Variants in KCNC2 observed in about 807,000 individuals in gnomAD.
KCNC2 encodes the protein voltage-gated potassium channel KCNC2.
In KCNC2, 21 loss-of-function variants were observed where a neutral mutation model predicts 44.5. The observed-to-expected ratio is 0.47, with a 90% CI of 0.33 to 0.68. The LOEUF (loss-of-function observed/expected upper bound fraction) is 0.68. Ranked by LOEUF, KCNC2 falls within the 30% of genes least tolerant of loss-of-function variation. KCNC2 has a pLI of 0.01. For missense variants in KCNC2, 589 were observed against 826.2 expected (o/e 0.71, Z 3.52); for synonymous variants, 391 against 339.1 (o/e 1.15, Z -1.68).
At chr12:75,124,678 T>A (rs941662777) in intron 2 of KCNC2, 2 of 152,208 alleles carry the variant, frequency 1.3e-5, no homozygotes, top group African/African-American at 4.8e-5. Flanking sequence ...TTTTAAAAAA[T>A]TTGCTTTCTT....
intron 2 of KCNC2, among the ~76,000 whole-genome samples, chr12:75,061,142 T>G (rs993602993): frequency 3.9e-5 from 6 of 152,106 alleles, no homozygotes; most frequent in African/African-American, 1.4e-4. Flanking sequence ...TGGCATTGAT[T>G]TGGTGCTTAG....
At chr12:75,062,482 T>C (rs1157129462) in intron 2 of KCNC2, among the ~76,000 whole-genome samples, 1 of 152,030 alleles carries the variant, frequency 6.6e-6, no homozygotes, top group East Asian at 1.9e-4. Context: ...AACATCCAAA[T>C]GCTGGTTCTA....
At chr12:75,205,445 A>G (rs915469815) in intron 2 of KCNC2, among the ~76,000 whole-genome samples, 1 of 152,160 alleles carries the variant, frequency 6.6e-6, no homozygotes, top group African/African-American at 2.4e-5. Context: ...TATTATAAAG[A>G]AATATCGTAG....
intron 2 of KCNC2, among the ~76,000 whole-genome samples, chr12:75,130,784 A>T (rs963711618): frequency 2.0e-5 from 3 of 150,062 alleles, no homozygotes; most frequent in Non-Finnish European, 2.9e-5. Context: ...CTAGTAATAA[A>T]AAAAAAAAAA....
intron 1 of KCNC2, among the ~76,000 whole-genome samples, chr12:75,208,293 A>C (rs1236478416): frequency 1.3e-5 from 2 of 151,026 alleles, no homozygotes; most frequent in Non-Finnish European, 3.0e-5. Flanking sequence ...TGATCTCTTC[A>C]CCTTCATCTT....
At chr12:75,196,090 C>G (rs1161220203) in intron 2 of KCNC2, among the ~76,000 whole-genome samples, 1 of 152,104 alleles carries the variant, frequency 6.6e-6, no homozygotes, top group African/African-American at 2.4e-5. Flanking sequence ...GCTAGCAAAG[C>G]TGTGTTAACC....
chr12:75,092,556 T>C (rs1165733731), intron 2 of KCNC2, among the ~76,000 whole-genome samples: 2 of 151,616 alleles, frequency 1.3e-5, no homozygotes, highest in Non-Finnish European at 3.0e-5. Flanking sequence ...AATTCACTGA[T>C]GACAACTTAT....
At chr12:75,113,778 G>A (rs930568159) in intron 2 of KCNC2, among the ~76,000 whole-genome samples, 10 of 152,170 alleles carry the variant, frequency 6.6e-5, no homozygotes, top group Non-Finnish European at 1.3e-4. Flanking sequence ...TCTTGATTCT[G>A]AAGTGCAGTC....
chr12:75,177,175 A>T (rs1292318582), intron 2 of KCNC2, among the ~76,000 whole-genome samples: 1 of 151,590 alleles, frequency 6.6e-6, no homozygotes, highest in Non-Finnish European at 1.5e-5. Context: ...TAATTAGTGA[A>T]ATAAAGTGAA....
intron 2 of KCNC2, among the ~76,000 whole-genome samples, chr12:75,078,343 C>T (rs1252831314): frequency 6.6e-6 from 1 of 152,090 alleles, no homozygotes; most frequent in Non-Finnish European, 1.5e-5. Flanking sequence ...GTTTAACTTC[C>T]ACCTTTCCTC....
At chr12:75,199,064 T>A (rs1221649793) in intron 2 of KCNC2, among the ~76,000 whole-genome samples, 1 of 151,836 alleles carries the variant, frequency 6.6e-6, no homozygotes, top group Non-Finnish European at 1.5e-5. Flanking sequence ...AATAAGAGAA[T>A]TTATGCAACC....
chr12:75,064,138 T>G (rs1282996016), intron 2 of KCNC2, among the ~76,000 whole-genome samples: 4 of 152,004 alleles, frequency 2.6e-5, no homozygotes, highest in South Asian at 4.1e-4. Flanking sequence ...AATAGATGAG[T>G]ACTGAAAAGC....
intron 3 of KCNC2, among the ~76,000 whole-genome samples, chr12:75,048,649 C>A (rs565645210): frequency 6.6e-6 from 1 of 152,060 alleles, no homozygotes; most frequent in African/African-American, 2.4e-5. Flanking sequence ...CAATTTTTGA[C>A]GTTATCTATT....
At chr12:75,054,916 C>A (rs138792148) in intron 2 of KCNC2, among the ~76,000 whole-genome samples, 1 of 152,096 alleles carries the variant, frequency 6.6e-6, no homozygotes, top group African/African-American at 2.4e-5. Context: ...AGACTTGGTG[C>A]GCTTTATCTG....
chr12:75,053,960 C>T (rs1049160680), intron 2 of KCNC2, among the ~76,000 whole-genome samples: 2 of 151,578 alleles, frequency 1.3e-5, no homozygotes, highest in Admixed American at 6.6e-5. Flanking sequence ...CGGTGACTCT[C>T]GCCTGTAATC....
chr12:75,059,838 G>A (rs1161073160), intron 2 of KCNC2, among the ~76,000 whole-genome samples: 1 of 151,960 alleles, frequency 6.6e-6, no homozygotes, highest in Non-Finnish European at 1.5e-5. Flanking sequence ...TAGTCATAGA[G>A]ATCTACAATA....
intron 2 of KCNC2, among the ~76,000 whole-genome samples, chr12:75,126,741 C>A (rs900438356): frequency 3.9e-5 from 6 of 151,906 alleles, no homozygotes; most frequent in Admixed American, 2.0e-4. Context: ...CTATAGGGTC[C>A]CATCAAAAGT....
chr12:75,169,688 T>C (rs1383044930), intron 2 of KCNC2, among the ~76,000 whole-genome samples: 1 of 151,658 alleles, frequency 6.6e-6, no homozygotes, highest in East Asian at 1.9e-4. Context: ...GTTTTCTTTC[T>C]TTTCTTTCCT....
chr12:75,166,110 G>A (rs535346248), intron 2 of KCNC2, among the ~76,000 whole-genome samples: 33 of 151,258 alleles, frequency 2.2e-4, no homozygotes, highest in Non-Finnish European at 1.3e-4. Context: ...AGCTGTAGAG[G>A]CTCTATGAAT....
Sources: gnomAD v4.1 joint callset for allele counts (sites outside exome capture counted in the v4.1 genomes callset) on GRCh38, gnomAD v4.1.1 for gene constraint, MANE v1.5 for transcripts, NCBI Gene and HGNC (gene_info 2026-07-23, HGNC 2026-07-21) for gene names.